The following P2RY6 variants were observed in gnomAD, a reference collection of about 807,000 sequenced individuals.
P2RY6 encodes the protein P2Y purinoceptor 6.
Under a neutral mutation model 16.3 loss-of-function variants are expected in P2RY6, and 19 were observed. The observed-to-expected ratio is 1.16, with a 90% CI of 0.81 to 1.71. The LOEUF is 1.71. Ranked by LOEUF, P2RY6 falls within the 40% of genes most tolerant of loss-of-function variation. The probability of loss-of-function intolerance (pLI) is 0.00; values close to 1 mark genes in which losing one functional copy is unlikely to be tolerated. For missense variants in P2RY6, 389 were observed against 455.5 expected, an observed-to-expected ratio of 0.85 and a Z score of 1.33; for synonymous variants, 184 against 201.5, an observed-to-expected ratio of 0.91 and a Z score of 0.74.
At position 73,296,580 on chromosome 11, in the gene P2RY6, G is replaced by T; in HGVS notation, c.62G>T (p.Arg21Leu). ...LGLPPTTCVYRENFKQLLLPP... is the reference protein window; with the variant it reads ...LGLPPTTCVYLENFKQLLLPP... ...TTGCCACCCACCACCTGTGTCTACC[G>T]CGAGAACTTCAAGCAACTGCTGCTG... Residue 21 changes from arginine to leucine, a missense_variant, in exon 3 of 3, where the codon CGC (arginine) becomes CTC (leucine). Arg to Leu is a moderately radical substitution (Grantham distance 102). Coordinates refer to ENST00000540124, the MANE Select transcript of P2RY6 (RefSeq NM_001277204.2). 1 of 1,614,204 alleles carries T rather than the reference G, an allele frequency of 6.2e-7. No individual in the cohort carries two copies. Among genetic ancestry groups the T allele is most frequent in the Non-Finnish European group, 8.5e-7 (1 of 1,180,028 alleles).
intron 1 of P2RY6, among the ~76,000 whole-genome samples, chr11:73,281,531 C>T (rs1160476558): frequency 6.6e-6 from 1 of 152,240 alleles, no homozygotes; most frequent in Non-Finnish European, 1.5e-5. Flanking sequence ...GGCTTACAGA[C>T]ACAGGCTAGG....
At chr11:73,289,989 A>C (rs1289788812) in intron 1 of P2RY6, among the ~76,000 whole-genome samples, 1 of 152,182 alleles carries the variant, frequency 6.6e-6, no homozygotes, top group African/African-American at 2.4e-5. Flanking sequence ...CGCGAGGCCG[A>C]GGCAGGTGGA....
intron 2 of P2RY6, among the ~76,000 whole-genome samples, chr11:73,296,236 ATATATATAT>A (rs1565174453): frequency 2.1e-3 from 175 of 82,096 alleles, no homozygotes; most frequent in African/African-American, 7.5e-3. Context: ...AAAAAAAAAT[ATATATATAT>A]ATATATATAT....
upstream of P2RY6, among the ~76,000 whole-genome samples, chr11:73,267,870 G>A (rs1209278032): frequency 6.6e-6 from 1 of 152,208 alleles, no homozygotes; most frequent in African/African-American, 2.4e-5. Flanking sequence ...GGGGAAACCT[G>A]TTAGCTTCTC....
intron 1 of P2RY6, among the ~76,000 whole-genome samples, chr11:73,273,009 G>C (rs998500185): frequency 6.6e-6 from 1 of 151,888 alleles, no homozygotes; most frequent in Non-Finnish European, 1.5e-5. Context: ...TGTCCACAGA[G>C]GAGGCCCTTG....
rs552739227 is a variant in P2RY6 at position 73,296,645 on chromosome 11, C to T, written c.127C>T (p.Leu43=). The T allele has an allele frequency of 6.2e-7, 1 of 1,614,206 alleles. No individual in the cohort carries two copies. The highest frequency in any genetic ancestry group is 1.1e-5 in the South Asian group (1 of 91,090). The change falls in exon 3 of 3, where the codon CTG becomes TTG. Residue 43 remains leucine, a synonymous_variant. Coordinates refer to ENST00000540124, the MANE Select transcript of P2RY6 (RefSeq NM_001277204.2). ...YSAVLAAGLP[L]NICVITQICT... ...GGCGGTGCTGGCGGCTGGCCTGCCG[C>T]TGAACATCTGTGTCATTACCCAGAT...
chr11:73,279,314 G>T (rs759475023), intron 1 of P2RY6, among the ~76,000 whole-genome samples: 25 of 152,112 alleles, frequency 1.6e-4, no homozygotes, highest in Admixed American at 1.3e-4. Context: ...CTCCCATTCT[G>T]TAGGTTGCCT....
intron 1 of P2RY6, among the ~76,000 whole-genome samples, chr11:73,288,247 C>G (rs780682473): frequency 1.3e-5 from 2 of 152,104 alleles, no homozygotes; most frequent in Non-Finnish European, 2.9e-5. Flanking sequence ...CAACTGGGGC[C>G]CCTCATACAT....
At chr11:73,288,239 A>T (rs192307906) in intron 1 of P2RY6, among the ~76,000 whole-genome samples, 4 of 152,170 alleles carry the variant, frequency 2.6e-5, no homozygotes, top group Non-Finnish European at 5.9e-5. Flanking sequence ...CTCTTCGGCA[A>T]CTGGGGCCCC....
chr11:73,282,385 G>A (rs1379499078), intron 1 of P2RY6, among the ~76,000 whole-genome samples: 2 of 152,174 alleles, frequency 1.3e-5, no homozygotes, highest in African/African-American at 2.4e-5. Context: ...CAATGCAGAG[G>A]CCACGTGTGT....
At chr11:73,287,503 G>A (rs1864015743) in intron 1 of P2RY6, among the ~76,000 whole-genome samples, 1 of 152,212 alleles carries the variant, frequency 6.6e-6, no homozygotes, top group Non-Finnish European at 1.5e-5. Context: ...ATCATAAGAG[G>A]GGGTCTGGGA....
chr11:73,272,262 C>A, upstream of P2RY6: 1 of 822,900 alleles, frequency 1.2e-6, no homozygotes, highest in Non-Finnish European at 1.5e-6. Flanking sequence ...CCTGGCCCTG[C>A]TGCTTGCCAG....
rs1864509047 is a variant in P2RY6, at chr11:73,296,811, C to A, written c.293C>A (p.Ala98Asp). 6.2e-7 allele frequency: 1 copy of A among 1,610,640 alleles called. No homozygotes were observed. Among genetic ancestry groups the A allele is most frequent in the South Asian group, 1.1e-5 (1 of 91,090 alleles). Residue 98 changes from alanine to aspartate, a missense_variant, in exon 3 of 3, where the codon GCC becomes GAC. Physicochemically the swap from Ala to Asp is moderately radical, Grantham distance 126 (BLOSUM62 -2). Transcript: ENST00000540124. ...QGDHWPFGDF[A>D]CRLVRFLFYA... ...GATCACTGGCCCTTTGGCGACTTCG[C>A]CTGCCGCCTGGTCCGCTTCCTCTTC...
chr11:73,269,565 C>T (rs552923423), upstream of P2RY6, among the ~76,000 whole-genome samples: 4 of 152,286 alleles, frequency 2.6e-5, no homozygotes, highest in South Asian at 2.1e-4. Flanking sequence ...TGCAGAGGCC[C>T]GGGCCTGGGC....
intron 1 of P2RY6, among the ~76,000 whole-genome samples, chr11:73,290,353 AAGAAAGAAAG>A (rs1864184068): frequency 8.0e-6 from 1 of 125,260 alleles, no homozygotes. Context: ...GAAAGAAAGA[AAGAAAGAAAG>A]AAGGAAAGAA....
Position 73,286,574 on chromosome 11 carries a change from T to TA in P2RY6, c.-120-9140dup, listed in dbSNP as rs34923291. 8.6e-3 allele frequency among the ~76,000 whole-genome samples: 1,178 copies of TA among 137,342 alleles called. 11 individuals are homozygous for TA. The highest frequency in any genetic ancestry group is 0.046 in the South Asian group (196 of 4,290). 90.1% of individuals were successfully genotyped at this position (137,342 alleles called of 152,430 possible). Reference sequence around the variant, plus strand: ...TCTGTCATCAGTCAAGACAAAGATTTAAAAAAAAAAAAAAAATGGAACCAG... The same window carrying TA: ...TCTGTCATCAGTCAAGACAAAGATTTAAAAAAAAAAAAAAAAATGGAACCAG... On this transcript the variant is annotated intron_variant, in intron 1 of 2. Coordinates refer to ENST00000540124, the MANE Select transcript of P2RY6 (RefSeq NM_001277204.2).
At chr11:73,284,590 T>G (rs762208969) in intron 1 of P2RY6, among the ~76,000 whole-genome samples, 1 of 152,204 alleles carries the variant, frequency 6.6e-6, no homozygotes, top group Non-Finnish European at 1.5e-5. Context: ...CTTAAAGGCC[T>G]TTGGTGCTCA....
Position 73,296,562 on chromosome 11 carries a change from C to A in P2RY6, c.44C>A (p.Pro15His). ...NGTGQALGLP[P>H]TTCVYRENFK... ...ACAGGCCAGGCTCTGGGCTTGCCAC[C>A]CACCACCTGTGTCTACCGCGAGAAC... Residue 15 changes from proline to histidine, a missense_variant, in exon 3 of 3, where the codon CCC becomes CAC. Pro to His is a moderately conservative substitution (Grantham distance 77, BLOSUM62 -2). Transcript: ENST00000540124. The A allele has an allele frequency of 6.2e-7, 1 of 1,614,220 alleles. No individual in the cohort carries two copies. The highest frequency in any genetic ancestry group is 8.5e-7 in the Non-Finnish European group (1 of 1,180,024).
At chr11:73,269,207 G>C (rs1230248187), upstream of P2RY6, among the ~76,000 whole-genome samples, 1 of 152,184 alleles carries the variant, frequency 6.6e-6, no homozygotes, top group Non-Finnish European at 1.5e-5. Flanking sequence ...GGGGCTTCCT[G>C]CTGGTGACTG....
Sources: gnomAD v4.1 joint callset for allele counts (sites outside exome capture counted in the v4.1 genomes callset) on GRCh38, gnomAD v4.1.1 for gene constraint, MANE v1.5 for transcripts, NCBI Gene and HGNC (gene_info 2026-07-23, HGNC 2026-07-21) for gene names.